The following PRKAG2 variants were observed in gnomAD, a reference collection of about 807,000 sequenced individuals.
PRKAG2 encodes 5'-AMP-activated protein kinase subunit gamma-2.
PRKAG2 carries 26 observed loss-of-function variants against 69.6 expected under a neutral mutation model. The observed-to-expected ratio is 0.37, with a 90% CI of 0.27 to 0.52. The LOEUF (loss-of-function observed/expected upper bound fraction) is 0.52. Among genes scored for constraint, PRKAG2 ranks in the 20% least tolerant of loss-of-function variants. The pLI is 0.90. For missense variants in PRKAG2, 557 were observed against 740.0 expected, an observed-to-expected ratio of 0.75 and a Z score of 2.87; for synonymous variants, 293 against 285.0, an observed-to-expected ratio of 1.03 and a Z score of -0.28.
chr7:151,699,960 A>G lies in PRKAG2; in HGVS notation c.467-24323T>C, dbSNP rs550769252. On this transcript the variant is annotated intron_variant, in intron 3 of 15. Transcript: ENST00000287878. This position sits in a 1 kb window ranked among gnomAD's most constrained non-coding sequence, Gnocchi z 4.5. Reference sequence around the variant, plus strand: ...CAGATGGGTGCCCCCACATTGCAGAAACAGCCTCAACAGGAGCCTTGTGTA... The same window carrying G: ...CAGATGGGTGCCCCCACATTGCAGAGACAGCCTCAACAGGAGCCTTGTGTA... Among the ~76,000 whole-genome samples, 307 of 152,292 alleles carry G rather than the reference A, an allele frequency of 2.0e-3. No individual in the cohort carries two copies. The highest frequency in any genetic ancestry group is 7.0e-3 in the African/African-American group (291 of 41,552).
Position 151,675,440 on chromosome 7 carries a change from G to C in PRKAG2, c.664C>G (p.His222Asp). ...CTTACGGCTTTGGAGGGAGCATAGT[G>C]TGTCGGTGATGCCAGTGGAGGCCTG... ...PTRPPLASPT[H>D]YAPSKAAALA... Residue 222 changes from histidine (H) to aspartate (D), a missense_variant, in exon 4 of 16, where the codon CAC (histidine) becomes GAC (aspartate). His to Asp is a moderately conservative substitution (Grantham distance 81). Around this residue, in one of 2 missense-constraint regions of PRKAG2, gnomAD observed 352 missense variants for 356.7 expected, o/e 0.99. Coordinates refer to ENST00000287878, the MANE Select transcript of PRKAG2 (RefSeq NM_016203.4). 6.2e-7 allele frequency: 1 copy of C among 1,614,164 alleles called. No homozygotes were observed.
intron 1 of PRKAG2, among the ~76,000 whole-genome samples, chr7:151,834,986 A>T (rs1347472553): frequency 6.6e-6 from 1 of 152,010 alleles, no homozygotes; most frequent in Non-Finnish European, 1.5e-5. Context: ...CTTCATCCTC[A>T]CCAGAGGTCT....
At position 151,632,030 on chromosome 7, in the gene PRKAG2, G is replaced by A; in HGVS notation, c.754+39C>T. 7.7e-7 allele frequency: 1 copy of A among 1,301,326 alleles called. No individual in the cohort carries two copies. The highest frequency in any genetic ancestry group is 9.9e-7 in the Non-Finnish European group (1 of 1,013,262). 80.6% of individuals were successfully genotyped at this position (1,301,326 alleles called of 1,614,324 possible). A position where few individuals can be genotyped will look rare whatever the true frequency, so the allele number is the denominator to read the frequency against. ...GTCCCGGTCCTCGGGCGGCCGGGCC[G>A]TGGGAGCGCCGGGCCGGCAGCGGGC... On this transcript the variant is annotated intron_variant, in intron 5 of 15. Coordinates refer to ENST00000287878, the MANE Select transcript of PRKAG2 (RefSeq NM_016203.4). This position sits in a 1 kb window ranked among gnomAD's most constrained non-coding sequence, Gnocchi z 4.2.
intron 3 of PRKAG2, among the ~76,000 whole-genome samples, chr7:151,755,053 CAG>C (rs1252619598): frequency 2.0e-5 from 3 of 152,142 alleles, no homozygotes; most frequent in Admixed American, 2.0e-4. Context: ...GAAGCCCCGA[CAG>C]AGAGTTCTGA....
chr7:151,637,578 T>TA (rs1825944303), intron 4 of PRKAG2, among the ~76,000 whole-genome samples: 1 of 152,170 alleles, frequency 6.6e-6, no homozygotes. Flanking sequence ...TAGCCTAAAA[T>TA]AAAAATGTTT....
At chr7:151,655,796 A>G (rs1367677936) in intron 4 of PRKAG2, among the ~76,000 whole-genome samples, 1 of 152,224 alleles carries the variant, frequency 6.6e-6, no homozygotes, top group African/African-American at 2.4e-5. Flanking sequence ...GCGGTAAGGA[A>G]TATGTGAGTT....
chr7:151,774,068 A>AC (rs2076214909), intron 3 of PRKAG2, among the ~76,000 whole-genome samples: 1 of 152,048 alleles, frequency 6.6e-6, no homozygotes, highest in Non-Finnish European at 1.5e-5. Flanking sequence ...TTAGAGGGAG[A>AC]GACGGAAAAG....
At chr7:151,676,765 G>A (rs996607064) in intron 3 of PRKAG2, among the ~76,000 whole-genome samples, 12 of 152,290 alleles carry the variant, frequency 7.9e-5, no homozygotes, top group African/African-American at 2.6e-4. Context: ...GGTCTTTTCA[G>A]ATCAACCAAG....
Position 151,556,679 on chromosome 7 carries a change from C to A in PRKAG2, c.*522G>T, listed in dbSNP as rs1051956. ...ACACTTACGTGTAAAAGTGTCATTA[C>A]AATTTTAAAGTAATTATTTATATTC... On this transcript the variant is annotated 3_prime_UTR_variant, in exon 16 of 16. Coordinates refer to ENST00000287878, the MANE Select transcript of PRKAG2 (RefSeq NM_016203.4). 84,792 of 155,478 alleles carry A rather than the reference C, an allele frequency of 0.55. 25,006 individuals are homozygous for A. Among genetic ancestry groups the A allele is most frequent in the East Asian group, 0.71 (3,753 of 5,258 alleles). The allele number at this position is 155,478 out of a possible 1,614,324, so 9.6% of individuals were successfully genotyped here. A position where few individuals can be genotyped will look rare whatever the true frequency, so the allele number is the denominator to read the frequency against.
At chr7:151,869,529 C>T (rs2080162886) in intron 1 of PRKAG2, among the ~76,000 whole-genome samples, 1 of 152,248 alleles carries the variant, frequency 6.6e-6, no homozygotes, top group Admixed American at 6.5e-5. Context: ...TCCCGCAAGG[C>T]ACTGAGCATG....
chr7:151,749,826 G>A (rs1230594785), intron 3 of PRKAG2, among the ~76,000 whole-genome samples: 1 of 151,624 alleles, frequency 6.6e-6, no homozygotes, highest in African/African-American at 2.4e-5. Context: ...GTCGGGCATG[G>A]TGGCTCATGC....
intron 3 of PRKAG2, among the ~76,000 whole-genome samples, chr7:151,774,878 G>A (rs1390232316): frequency 6.6e-6 from 1 of 152,232 alleles, no homozygotes; most frequent in Non-Finnish European, 1.5e-5. Context: ...TACCTGAGGA[G>A]CCTGTCAACA....
chr7:151,706,747 CT>C (rs1838690471), intron 3 of PRKAG2, among the ~76,000 whole-genome samples: 1 of 152,252 alleles, frequency 6.6e-6, no homozygotes, highest in East Asian at 1.9e-4. Flanking sequence ...GTAACAGCAG[CT>C]TCAGCAAACG....
chr7:151,680,740 C>A (rs1159452069), intron 3 of PRKAG2, among the ~76,000 whole-genome samples: 1 of 152,214 alleles, frequency 6.6e-6, no homozygotes, highest in Non-Finnish European at 1.5e-5. Context: ...TGCTTCCTGC[C>A]CTGCCTGCCC....
At chr7:151,560,431 G>C in intron 15 of PRKAG2, 93 bp downstream of exon 15, 1 of 1,610,820 alleles carries the variant, frequency 6.2e-7, no homozygotes, top group Non-Finnish European at 8.5e-7. Flanking sequence ...TCTGTAGGTG[G>C]GTGGAGAAAT....
intron 1 of PRKAG2, among the ~76,000 whole-genome samples, chr7:151,875,563 GTGTGTGTGT>G (rs1214653104): frequency 8.6e-4 from 14 of 16,202 alleles, no homozygotes; most frequent in Non-Finnish European, 1.0e-3. Flanking sequence ...GAGCACTCTG[GTGTGTGTGT>G]GTGTGTGTGT....
At chr7:151,865,233 G>A (rs1296131423) in intron 1 of PRKAG2, among the ~76,000 whole-genome samples, 1 of 152,200 alleles carries the variant, frequency 6.6e-6, no homozygotes, top group Non-Finnish European at 1.5e-5. Flanking sequence ...CGGCCTGCTG[G>A]ACACACGGCC....
intron 4 of PRKAG2, among the ~76,000 whole-genome samples, chr7:151,659,025 G>A (rs147672234): frequency 1.2e-3 from 179 of 152,318 alleles, no homozygotes; most frequent in African/African-American, 4.2e-3. Context: ...TGACTTTCTT[G>A]AGAAGTGAGG....
At chr7:151,744,010 C>T (rs1001803233) in intron 3 of PRKAG2, among the ~76,000 whole-genome samples, 1 of 152,138 alleles carries the variant, frequency 6.6e-6, no homozygotes, top group Admixed American at 6.5e-5. Flanking sequence ...GAGCTGGGGG[C>T]GAGAGAGATG....
Sources: allele counts gnomAD v4.1 joint callset (sites outside exome capture counted in the v4.1 genomes callset), GRCh38; gene constraint gnomAD v4.1.1; regional missense constraint gnomAD v4.1.1; non-coding constraint Gnocchi (gnomAD v3.1); transcripts MANE v1.5; gene names NCBI Gene and HGNC (gene_info 2026-07-23, HGNC 2026-07-21).